XPO5: variants seen among roughly 807,000 people sequenced by gnomAD.
The protein encoded by XPO5 is exportin-5.
Under a neutral mutation model 160.6 loss-of-function variants are expected in XPO5, and 46 were observed. That is an observed-to-expected ratio of 0.29 (90% CI 0.23 to 0.37). XPO5 has a LOEUF of 0.37. Among genes scored for constraint, XPO5 ranks in the 10% least tolerant of loss-of-function variants. The pLI is 1.00. For missense variants in XPO5, 1,090 were observed against 1,463.9 expected (o/e 0.74, Z 4.17); for synonymous variants, 537 against 519.3 (o/e 1.03, Z -0.46).
At chr6:43,551,667 G>C (rs1795234795) in intron 14 of XPO5, among the ~76,000 whole-genome samples, 1 of 152,174 alleles carries the variant, frequency 6.6e-6, no homozygotes, top group Non-Finnish European at 1.5e-5. Flanking sequence ...TAGGACTACA[G>C]GCGGGCACCA....
intron 31 of XPO5, 116 bp downstream of exon 31, chr6:43,524,352 CAAA>C (rs368583529): frequency 6.7e-3 from 7,042 of 1,053,426 alleles, no homozygotes; most frequent in South Asian, 0.012. Flanking sequence ...AACCCCATCT[CAAA>C]AAAAAAAAAA....
chr6:43,567,142 A>G (rs773292249), intron 7 of XPO5, 27 bp downstream of exon 7: 1 of 1,595,900 alleles, frequency 6.3e-7, no homozygotes, highest in Non-Finnish European at 8.5e-7. Flanking sequence ...GAGACTGAGG[A>G]TAAGTCAGTT....
intron 20 of XPO5, among the ~76,000 whole-genome samples, chr6:43,541,437 C>A (rs561045666): frequency 6.6e-6 from 1 of 152,270 alleles, no homozygotes; most frequent in African/African-American, 2.4e-5. Flanking sequence ...AAAAACATCC[C>A]CACCAAAACC....
intron 20 of XPO5, among the ~76,000 whole-genome samples, chr6:43,545,812 C>T (rs573995044): frequency 6.6e-6 from 1 of 152,222 alleles, no homozygotes; most frequent in African/African-American, 2.4e-5. Context: ...CATTTAGAGA[C>T]CATCCCTGAG....
In XPO5 at chr6:43,524,866, G is replaced by A; in HGVS notation, c.3277C>T (p.Leu1093=). Residue 1093 remains leucine (L), a synonymous_variant, in exon 30 of 32, where the codon CTG becomes TTG. Coordinates refer to ENST00000265351, the MANE Select transcript of XPO5 (RefSeq NM_020750.3). ...TATATCTGGAAGGCCAGATGGACCA[G>A]GGAAGCCATGCACCCGTCGTGCTGC... The part of the protein sequence containing the change: ...HGQHDGCMAS[L]VHLAFQIYEA... 5 of 1,613,934 alleles carry A rather than the reference G, an allele frequency of 3.1e-6. No individual in the cohort carries two copies. The highest frequency in any genetic ancestry group is 4.2e-6 in the Non-Finnish European group (5 of 1,179,902).
chr6:43,571,769 A>G (rs1763021082), intron 3 of XPO5, among the ~76,000 whole-genome samples: 1 of 152,110 alleles, frequency 6.6e-6, no homozygotes, highest in African/African-American at 2.4e-5. Context: ...GATCATGCTA[A>G]TGCAATCCAG....
At chr6:43,570,003 CTTTTTTTTTTTTTTTTTT>C (rs35322286) in intron 5 of XPO5, among the ~76,000 whole-genome samples, 3 of 85,384 alleles carry the variant, frequency 3.5e-5, no homozygotes, top group African/African-American at 9.5e-5. Flanking sequence ...AGATCCCTAT[CTTTTTTTTTTTTTTTTTT>C]TTTTTTTTTA....
chr6:43,535,611 C>T (rs936222632), intron 20 of XPO5, among the ~76,000 whole-genome samples: 2 of 149,186 alleles, frequency 1.3e-5, no homozygotes, highest in African/African-American at 5.0e-5. Flanking sequence ...GAGATCGAGA[C>T]CATCCTGGGT....
chr6:43,546,837 G>C, intron 19 of XPO5, 85 bp from the exon 20 acceptor site: 1 of 1,323,010 alleles, frequency 7.6e-7, no homozygotes, highest in Non-Finnish European at 1.0e-6. Context: ...CAAGGTTCTG[G>C]CAAAAGTGAC....
intron 14 of XPO5, 110 bp from the exon 15 acceptor site, chr6:43,551,563 C>A (rs1469499205): frequency 2.9e-6 from 4 of 1,375,366 alleles, no homozygotes; most frequent in Admixed American, 3.9e-5. Context: ...CATTCTGTCA[C>A]CTAGGCTGGA....
intron 20 of XPO5, among the ~76,000 whole-genome samples, chr6:43,542,706 G>A (rs1263233963): frequency 5.9e-5 from 9 of 152,110 alleles, no homozygotes; most frequent in African/African-American, 9.7e-5. Flanking sequence ...GATTACAGGC[G>A]TGAGCCACTG....
chr6:43,555,705 G>T, intron 13 of XPO5, 131 bp downstream of exon 13: 2 of 1,140,518 alleles, frequency 1.8e-6, no homozygotes, highest in South Asian at 2.5e-5. Context: ...CCCTCTCCAG[G>T]ATGAGCAAAG....
At chr6:43,526,493 A>C in intron 27 of XPO5, 192 bp downstream of exon 27, 1 of 614,236 alleles carries the variant, frequency 1.6e-6, no homozygotes, top group Non-Finnish European at 2.9e-6. Context: ...TCTGAGACAG[A>C]GGAAACAGCA....
chr6:43,563,493 G>C (rs976768749), intron 8 of XPO5, among the ~76,000 whole-genome samples: 10 of 152,180 alleles, frequency 6.6e-5, no homozygotes, highest in African/African-American at 2.2e-4. Context: ...TTACAGTCAT[G>C]CATCACTTAA....
chr6:43,536,876 C>T lies in XPO5; in HGVS notation c.2343-2869G>A, dbSNP rs181868047. ...AGGAATCTAATTGTTTTTTCTAACA[C>T]GGTGAAACAGACAATATGGTGTCTG... On this transcript the variant is annotated intron_variant, in intron 20 of 31. Coordinates refer to ENST00000265351, the MANE Select transcript of XPO5 (RefSeq NM_020750.3). Among the ~76,000 whole-genome samples the T allele has an allele frequency of 2.9e-3, 430 of 149,088 alleles. 4 individuals are homozygous for T. Among genetic ancestry groups the T allele is most frequent in the African/African-American group, 9.7e-3 (390 of 40,184 alleles).
intron 5 of XPO5, among the ~76,000 whole-genome samples, chr6:43,569,305 AC>A (rs1246692562): frequency 1.9e-4 from 27 of 139,006 alleles, no homozygotes; most frequent in African/African-American, 6.8e-4. Flanking sequence ...AAAAAAAAAA[AC>A]AACAAAAAAA....
Position 43,553,489 on chromosome 6 carries a change from C to T in XPO5, c.1456G>A (p.Gly486Arg), listed in dbSNP as rs1161543625. 6.4e-7 allele frequency: 1 copy of T among 1,557,876 alleles called. No homozygotes were observed. The highest frequency in any genetic ancestry group is 2.4e-5 in the East Asian group (1 of 41,668). ...AGSVNSCSAV[G>R]TGEGSLCSVF... is the part of the protein sequence containing the mutation. ...GAACAGAGGCTTCCTTCTCCAGTTC[C>T]AACTGCAGAACAAGCTTTAAAACAC... The change falls in exon 14 of 32, where the codon GGA becomes AGA. Residue 486 changes from glycine (G) to arginine (R), a missense_variant. Physicochemically the swap from Gly to Arg is moderately radical, Grantham distance 125. Transcript: ENST00000265351.
At chr6:43,575,719 A>T in intron 1 of XPO5, 41 bp downstream of exon 1, 1 of 1,556,200 alleles carries the variant, frequency 6.4e-7, no homozygotes, top group South Asian at 1.1e-5. Flanking sequence ...GGGCTGGGAG[A>T]GGGTGTCGGG....
intron 9 of XPO5, chr6:43,561,929 G>C (rs139907791): frequency 1.3e-3 from 254 of 195,852 alleles, no homozygotes; most frequent in African/African-American, 5.4e-3. Context: ...TGGGCTAACA[G>C]AATGTAAAAG....
Sources: gnomAD v4.1 joint callset for allele counts (sites outside exome capture counted in the v4.1 genomes callset) on GRCh38, gnomAD v4.1.1 for gene constraint, MANE v1.5 for transcripts, NCBI Gene and HGNC (gene_info 2026-07-23, HGNC 2026-07-21) for gene names.